DNAJC16: variants seen among roughly 807,000 people sequenced by gnomAD.
DNAJC16 encodes the protein dnaJ homolog subfamily C member 16.
Under a neutral mutation model 92.7 loss-of-function variants are expected in DNAJC16, and 76 were observed. The observed-to-expected ratio is 0.82, with a 90% confidence interval of 0.68 to 0.99. DNAJC16 has a LOEUF of 0.99. Ranked by LOEUF, DNAJC16 falls within the 50% of genes least tolerant of loss-of-function variation. The pLI is 0.00. For synonymous variants in DNAJC16, 328 were observed against 358.7 expected (o/e 0.91, Z 0.97); for missense variants, 869 against 942.4 (o/e 0.92, Z 1.02).
chr1:15,561,334 T>C (rs899773319), intron 8 of DNAJC16, among the ~76,000 whole-genome samples: 2 of 152,188 alleles, frequency 1.3e-5, no homozygotes, highest in African/African-American at 4.8e-5. Context: ...GCCTCTGGCC[T>C]GAGAGAGATT....
intron 4 of DNAJC16, among the ~76,000 whole-genome samples, chr1:15,539,844 A>C (rs1710890127): frequency 6.6e-6 from 1 of 150,784 alleles, no homozygotes; most frequent in Non-Finnish European, 1.5e-5. Context: ...CCTGGCCAAC[A>C]TGGTGAAATC....
intron 2 of DNAJC16, among the ~76,000 whole-genome samples, chr1:15,531,842 A>T (rs1322498750): frequency 6.6e-6 from 1 of 152,184 alleles, no homozygotes; most frequent in Non-Finnish European, 1.5e-5. Flanking sequence ...GAATAGTTTA[A>T]GTTTTGCTTA....
At position 15,534,227 on chromosome 1, in the gene DNAJC16, T is replaced by A; in HGVS notation, c.168-10T>A. 6.2e-7 allele frequency: 1 copy of A among 1,613,962 alleles called. No individual in the cohort carries two copies. The highest frequency in any genetic ancestry group is 8.5e-7 in the Non-Finnish European group (1 of 1,179,912). On this transcript the variant is annotated splice_polypyrimidine_tract_variant and intron_variant, in intron 2 of 14. Coordinates refer to ENST00000375847, the MANE Select transcript of DNAJC16 (RefSeq NM_015291.4). The stretch of plus-strand genomic sequence containing the variant: ...CATCCTTTCTCACCGCCTGCCTGTT[T>A]GTGTTTCAGGCATCCTGACAAAAAC...
chr1:15,556,143 T>C (rs1175852066), intron 7 of DNAJC16, among the ~76,000 whole-genome samples: 1 of 150,706 alleles, frequency 6.6e-6, no homozygotes, highest in African/African-American at 2.4e-5. Context: ...TTTTTTTTTT[T>C]AATTTTGGAA....
At chr1:15,540,390 A>G (rs1320204438) in intron 4 of DNAJC16, among the ~76,000 whole-genome samples, 2 of 152,102 alleles carry the variant, frequency 1.3e-5, no homozygotes, top group African/African-American at 4.8e-5. Flanking sequence ...TCTTTATTCT[A>G]TTTCTCCAAC....
chr1:15,527,269 C>T lies in DNAJC16; in HGVS notation c.-19+311C>T, dbSNP rs1163962645. 2.0e-5 allele frequency among the ~76,000 whole-genome samples: 3 copies of T among 152,022 alleles called. No individual in the cohort carries two copies. The East Asian group carries it at 5.8e-4, about 29-fold the overall frequency. On this transcript the variant is annotated intron_variant, in intron 1 of 14. Coordinates refer to ENST00000375847, the MANE Select transcript of DNAJC16 (RefSeq NM_015291.4). ...CCTGTTGGGCAGGTGTTTGCTGCTC[C>T]GAGGTCGGCGCCGTCTATCTCGCAT...
At position 15,568,290 on chromosome 1, in the gene DNAJC16, C is replaced by T; in HGVS notation, c.*113C>T. ...AACAGAGTATAGATTTTAGATTGCT[C>T]TTCTAGAACCATGGCTAGAAGAATC... is the stretch of plus-strand genomic sequence containing the variant. On this transcript the variant is annotated 3_prime_UTR_variant, in exon 15 of 15. Transcript: ENST00000375847. 1 of 897,134 alleles carries T rather than the reference C, an allele frequency of 1.1e-6. No homozygotes were observed. Among genetic ancestry groups the T allele is most frequent in the East Asian group, 2.5e-5 (1 of 40,764 alleles). 55.6% of individuals were successfully genotyped at this position (897,134 alleles called of 1,614,324 possible). A position where few individuals can be genotyped will look rare whatever the true frequency, so the allele number is the denominator to read the frequency against.
rs376672103 is a variant in DNAJC16, at chr1:15,560,442, T to C, written c.1154+786T>C. ...ATCGGGAAGGCTAAGTTACATGTAT[T>C]CAATAAAGTAGGAAGAGTTATTATA... On this transcript the variant is annotated intron_variant, in intron 8 of 14. Transcript: ENST00000375847. 5.9e-5 allele frequency: 9 copies of C among 152,270 alleles called. No individual in the cohort carries two copies. In the South Asian group the frequency reaches 1.7e-3, roughly 28 times the overall value. The allele number at this position is 152,270 out of a possible 1,614,324, so 9.4% of individuals were successfully genotyped here. A position where few individuals can be genotyped will look rare whatever the true frequency, so the allele number is the denominator to read the frequency against.
At chr1:15,528,915 A>T (rs1394328258) in intron 1 of DNAJC16, among the ~76,000 whole-genome samples, 173 bp from the exon 2 acceptor site, 3 of 152,210 alleles carry the variant, frequency 2.0e-5, no homozygotes, top group African/African-American at 7.2e-5. Flanking sequence ...TGTGATATTC[A>T]AAAGCAGTAG....
chr1:15,529,586 A>G (rs1325183635), intron 2 of DNAJC16, among the ~76,000 whole-genome samples: 1 of 152,206 alleles, frequency 6.6e-6, no homozygotes, highest in Non-Finnish European at 1.5e-5. Context: ...TCAATAATGG[A>G]TATGCTACCC....
At chr1:15,554,490 A>G (rs1286280799) in intron 7 of DNAJC16, among the ~76,000 whole-genome samples, 2 of 152,208 alleles carry the variant, frequency 1.3e-5, no homozygotes, top group Admixed American at 6.5e-5. Context: ...TAAAAGCTGT[A>G]TAGCTTTGCC....
Position 15,568,243 on chromosome 1 carries a change from C to T in DNAJC16, c.*66C>T. 1 of 1,352,656 alleles carries T rather than the reference C, an allele frequency of 7.4e-7. No homozygotes were observed. The highest frequency in any genetic ancestry group is 2.2e-5 in the Admixed American group (1 of 45,972). The allele number at this position is 1,352,656 out of a possible 1,614,324, so 83.8% of individuals were successfully genotyped here. ...ACATGCCCCTGTGAACAGGTATTTT[C>T]AGGACTCAAACTACCACAATGAACA... On this transcript the variant is annotated 3_prime_UTR_variant, in exon 15 of 15. Transcript: ENST00000375847.
At position 15,571,196 on chromosome 1, in the gene DNAJC16, T is replaced by C. The variant is rs1202856421; in HGVS notation, c.*3019T>C. The C allele has an allele frequency of 1.3e-5, 2 of 152,212 alleles. No individual in the cohort carries two copies. Among genetic ancestry groups the C allele is most frequent in the Non-Finnish European group, 2.9e-5 (2 of 68,036 alleles). The allele number at this position is 152,212 out of a possible 1,614,324, so 9.4% of individuals were successfully genotyped here. ...GGTTGTAGTTTTCAGGTAGGTTGGT[T>C]TCTTCCTCATTTGCAGCTTGTTGAT... On this transcript the variant is annotated 3_prime_UTR_variant, in exon 15 of 15. Transcript: ENST00000375847.
At chr1:15,555,681 CAA>C (rs937939468) in intron 7 of DNAJC16, among the ~76,000 whole-genome samples, 129 of 51,584 alleles carry the variant, frequency 2.5e-3, no homozygotes, top group African/African-American at 8.4e-3. Context: ...GACTCCGTCT[CAA>C]AAAAAAAAAA....
intron 5 of DNAJC16, among the ~76,000 whole-genome samples, chr1:15,545,031 A>G (rs1638262365): frequency 6.6e-6 from 1 of 152,220 alleles, no homozygotes; most frequent in South Asian, 2.1e-4. Flanking sequence ...GCCAGATTCC[A>G]TGAAATCAAA....
chr1:15,535,128 C>CT (rs1710749730), intron 3 of DNAJC16, among the ~76,000 whole-genome samples: 2 of 152,186 alleles, frequency 1.3e-5, no homozygotes, highest in South Asian at 4.1e-4. Context: ...GAATTTTAGA[C>CT]TTCAAAGTTA....
intron 8 of DNAJC16, among the ~76,000 whole-genome samples, chr1:15,561,382 T>C (rs1394413239): frequency 6.6e-6 from 1 of 152,022 alleles, no homozygotes; most frequent in Non-Finnish European, 1.5e-5. Context: ...CTAGGACAAA[T>C]AGTTTCTAAA....
At chr1:15,547,995 CA>C (rs1638350880) in intron 6 of DNAJC16, among the ~76,000 whole-genome samples, 1 of 152,172 alleles carries the variant, frequency 6.6e-6, no homozygotes, top group Non-Finnish European at 1.5e-5. Context: ...AGGTAATCCC[CA>C]AACTCATGCC....
intron 5 of DNAJC16, 46 bp downstream of exon 5, chr1:15,544,629 G>A (rs1638246802): frequency 6.3e-7 from 1 of 1,593,308 alleles, no homozygotes; most frequent in Non-Finnish European, 8.6e-7. Context: ...AGTTTAAGAG[G>A]TACCTAGGAC....
Sources: gnomAD v4.1 joint callset for allele counts (sites outside exome capture counted in the v4.1 genomes callset) on GRCh38, gnomAD v4.1.1 for gene constraint, MANE v1.5 for transcripts, NCBI Gene and HGNC (gene_info 2026-07-23, HGNC 2026-07-21) for gene names.